The following ARL2 variants were observed in gnomAD, a reference collection of about 807,000 sequenced individuals.
The protein encoded by ARL2 is ARF like GTPase 2, also known as ADP-ribosylation factor-like protein 2.
In ARL2, 11 loss-of-function variants were observed where a neutral mutation model predicts 22.0. That is an observed-to-expected ratio of 0.50 (90% CI 0.31 to 0.83). The LOEUF (loss-of-function observed/expected upper bound fraction) is 0.83, where lower values mean the gene tolerates loss of function less well. Among genes scored for constraint, ARL2 ranks in the 40% least tolerant of loss-of-function variants. The pLI, the probability that ARL2 is intolerant of heterozygous loss-of-function variation, is 0.04. For missense variants in ARL2, 216 were observed against 243.2 expected, an observed-to-expected ratio of 0.89 and a Z score of 0.74; for synonymous variants, 111 against 100.8, an observed-to-expected ratio of 1.10 and a Z score of -0.61.
At chr11:65,016,411 G>C (rs1024398557) in intron 1 of ARL2, among the ~76,000 whole-genome samples, 3 of 151,962 alleles carry the variant, frequency 2.0e-5, no homozygotes, top group African/African-American at 7.3e-5. Flanking sequence ...CCCTCACCTA[G>C]GGCCTTTTGG....
rs1226346018 is a variant in ARL2 at position 65,018,941 on chromosome 11, A to G, written c.339+208A>G. On this transcript the variant is annotated intron_variant, in intron 3 of 4. Transcript: ENST00000246747. The surrounding 1 kb of genome is among the most constrained non-coding windows in gnomAD (Gnocchi z 4.2). ...AACGTCCCTGTGGTGTTACTACGTC[A>G]CTACCCTGAGCATCAGTTTCTATGC... 1.3e-6 allele frequency: 2 copies of G among 1,522,074 alleles called. No homozygotes were observed. Among genetic ancestry groups the G allele is most frequent in the Non-Finnish European group, 1.8e-6 (2 of 1,138,606 alleles). 94.3% of individuals were successfully genotyped at this position (1,522,074 alleles called of 1,614,324 possible).
At position 65,018,756 on chromosome 11, in the gene ARL2, G is replaced by A; in HGVS notation, c.339+23G>A. ...GAGGTGGGCAGCTCCTACCCTTTGT[G>A]TACATGTATGGACGTGTGGCTGCCT... On this transcript the variant is annotated intron_variant, in intron 3 of 4. Transcript: ENST00000246747. The surrounding 1 kb of genome is among the most constrained non-coding windows in gnomAD (Gnocchi z 4.2). The A allele has an allele frequency of 6.2e-7, 1 of 1,613,144 alleles. No individual in the cohort carries two copies. The highest frequency in any genetic ancestry group is 8.5e-7 in the Non-Finnish European group (1 of 1,179,954).
At position 65,014,248 on chromosome 11, in the gene ARL2, A is replaced by G; in HGVS notation, c.41A>G (p.Glu14Gly). ...LTILKKMKQK[E>G]RELRLLMLGL... ...ATTCTGAAGAAGATGAAGCAGAAAG[A>G]GCGGGAGCTGCGACTGCTCATGCTG... The change falls in exon 1 of 5, where the codon GAG (glutamate) becomes GGG (glycine). Residue 14 changes from glutamate (E) to glycine (G), a missense_variant. Coordinates refer to ENST00000246747, the MANE Select transcript of ARL2 (RefSeq NM_001667.4). 6.3e-7 allele frequency: 1 copy of G among 1,575,536 alleles called. No individual in the cohort carries two copies. Among genetic ancestry groups the G allele is most frequent in the Non-Finnish European group, 8.6e-7 (1 of 1,164,640 alleles).
At position 65,018,304 on chromosome 11, in the gene ARL2, T is replaced by G; in HGVS notation, c.66-60T>G. On this transcript the variant is annotated intron_variant, in intron 1 of 4. Transcript: ENST00000246747. This position sits in a 1 kb window ranked among gnomAD's most constrained non-coding sequence, Gnocchi z 4.2. ...AAATAATGAGTCCCCTAAGGGGCTC[T>G]GCAACAATGTCACCACCTGGCAGAG... 1 of 1,443,124 alleles carries G rather than the reference T, an allele frequency of 6.9e-7. No individual in the cohort carries two copies. The highest frequency in any genetic ancestry group is 9.5e-7 in the Non-Finnish European group (1 of 1,051,568). 89.4% of individuals were successfully genotyped at this position (1,443,124 alleles called of 1,614,324 possible). A position where few individuals can be genotyped will look rare whatever the true frequency, so the allele number is the denominator to read the frequency against.
chr11:65,021,662 T>TG, intron 4 of ARL2, 59 bp from the exon 5 acceptor site: 1 of 1,533,372 alleles, frequency 6.5e-7, no homozygotes, highest in Non-Finnish European at 8.8e-7. Context: ...GGGAAGGGGC[T>TG]GACGGCAGGC....
intron 1 of ARL2, among the ~76,000 whole-genome samples, chr11:65,015,561 G>GT (rs1946241019): frequency 7.3e-6 from 1 of 136,468 alleles, no homozygotes; most frequent in African/African-American, 2.7e-5. Context: ...TCTGTAATGC[G>GT]TGTGTGTGTG....
chr11:65,020,692 A>G (rs1239627049), intron 4 of ARL2, 193 bp downstream of exon 4: 2 of 576,736 alleles, frequency 3.5e-6, no homozygotes, highest in African/African-American at 3.8e-5. Flanking sequence ...AACATGATGA[A>G]ACCCCGTCTG....
chr11:65,018,023 G>A lies in ARL2; in HGVS notation c.66-341G>A, dbSNP rs911146449. Among the ~76,000 whole-genome samples, 19 of 152,204 alleles carry A rather than the reference G, an allele frequency of 1.2e-4. No homozygotes were observed. Among genetic ancestry groups the A allele is most frequent in the Admixed American group, 7.9e-4 (12 of 15,284 alleles). On this transcript the variant is annotated intron_variant, in intron 1 of 4. Coordinates refer to ENST00000246747, the MANE Select transcript of ARL2 (RefSeq NM_001667.4). The surrounding 1 kb of genome is among the most constrained non-coding windows in gnomAD (Gnocchi z 4.2). The stretch of plus-strand genomic sequence containing the variant: ...AAAGCCTCTCTGTTGTGTTGATGGC[G>A]CTAGCCGGGATCTGGCAGGGCCTTC...
chr11:65,015,715 G>GT lies in ARL2; in HGVS notation c.65+1446dup, dbSNP rs528782466. 4.0e-3 allele frequency among the ~76,000 whole-genome samples: 610 copies of GT among 152,144 alleles called. 5 individuals carry two copies. Among genetic ancestry groups the GT allele is most frequent in the African/African-American group, 0.014 (595 of 41,482 alleles). ...GTGGGAGGTTCGCTTGAGCCCAGGTGTTTGAGACCAGCCTGGGCAACATAG... is the reference window on the plus strand; with the variant it reads ...GTGGGAGGTTCGCTTGAGCCCAGGTGTTTTGAGACCAGCCTGGGCAACATAG... On this transcript the variant is annotated intron_variant, in intron 1 of 4. Coordinates refer to ENST00000246747, the MANE Select transcript of ARL2 (RefSeq NM_001667.4).
At position 65,022,044 on chromosome 11, in the gene ARL2, C is replaced by T; in HGVS notation, c.*189C>T. 1.2e-6 allele frequency: 1 copy of T among 820,578 alleles called. No homozygotes were observed. The highest frequency in any genetic ancestry group is 1.9e-6 in the Non-Finnish European group (1 of 536,730). 50.8% of individuals were successfully genotyped at this position (820,578 alleles called of 1,614,324 possible). A position where few individuals can be genotyped will look rare whatever the true frequency, so the allele number is the denominator to read the frequency against. ...CCATGGCGGGAGGGCTGTGCCCTGGCTGTCTCTCTGGCTCCTGACCTGGCC... is the reference window on the plus strand; with the variant it reads ...CCATGGCGGGAGGGCTGTGCCCTGGTTGTCTCTCTGGCTCCTGACCTGGCC... On this transcript the variant is annotated 3_prime_UTR_variant, in exon 5 of 5. Transcript: ENST00000246747.
intron 4 of ARL2, among the ~76,000 whole-genome samples, chr11:65,021,039 G>A (rs189391250): frequency 1.3e-4 from 20 of 152,338 alleles, no homozygotes; most frequent in African/African-American, 4.1e-4. Flanking sequence ...TTGTTCACAG[G>A]CTAACGGTAG....
In ARL2 at chr11:65,015,932, G is replaced by A. The variant is rs1018553921; in HGVS notation, c.65+1660G>A. Among the ~76,000 whole-genome samples, 12 of 152,248 alleles carry A rather than the reference G, an allele frequency of 7.9e-5. 1 individual carries two copies. The South Asian group carries it at 2.1e-3, about 26-fold the overall frequency. ...GAAGGCCACTGTATGATGGCAGGGC[G>A]CAGTGGCTCATGCCTGTAATCCCAG... On this transcript the variant is annotated intron_variant, in intron 1 of 4. Transcript: ENST00000246747.
At position 65,018,793 on chromosome 11, in the gene ARL2, GCCCAGAGGGGCCCGTGGC is replaced by G; in HGVS notation, c.339+70_339+87del. ...ACGTGTGGCTGCCTTCTCAGCAGAT[GCCCAGAGGGGCCCGTGGC>G]CCCAGAGGGAAACCAGAGGCAGGAT... On this transcript the variant is annotated intron_variant, in intron 3 of 4. Transcript: ENST00000246747. The surrounding 1 kb of genome is among the most constrained non-coding windows in gnomAD (Gnocchi z 4.2). 1 of 1,599,096 alleles carries G rather than the reference GCCCAGAGGGGCCCGTGGC, an allele frequency of 6.3e-7. No individual in the cohort carries two copies. The highest frequency in any genetic ancestry group is 8.5e-7 in the Non-Finnish European group (1 of 1,176,312).
intron 4 of ARL2, 170 bp downstream of exon 4, chr11:65,020,669 G>C (rs1257869478): frequency 1.7e-6 from 1 of 605,972 alleles, no homozygotes; most frequent in Non-Finnish European, 2.8e-6. Flanking sequence ...AGGAGTTCGA[G>C]ACCAGCCTGA....
chr11:65,020,041 C>T (rs907885181), intron 3 of ARL2, among the ~76,000 whole-genome samples: 6 of 152,178 alleles, frequency 3.9e-5, no homozygotes, highest in South Asian at 2.1e-4. Flanking sequence ...GCTGTGTGAA[C>T]CCAGAAGAGG....
In ARL2 at chr11:65,022,106, G is replaced by A. The variant is rs536231079; in HGVS notation, c.*251G>A. On this transcript the variant is annotated 3_prime_UTR_variant, in exon 5 of 5. Transcript: ENST00000246747. The stretch of plus-strand genomic sequence containing the variant: ...TACCAAGAAGAGAGGGCTGGGCGGG[G>A]AGGAGCTGCTACTGCTGCTACCGAG... The A allele has an allele frequency of 1.9e-6, 1 of 529,352 alleles. No homozygotes were observed. Among genetic ancestry groups the A allele is most frequent in the African/African-American group, 1.9e-5 (1 of 52,758 alleles). 32.8% of individuals were successfully genotyped at this position (529,352 alleles called of 1,614,324 possible). A position where few individuals can be genotyped will look rare whatever the true frequency, so the allele number is the denominator to read the frequency against.
chr11:65,018,938 G>A lies in ARL2; in HGVS notation c.339+205G>A, dbSNP rs151263218. The A allele has an allele frequency of 6.9e-5, 105 of 1,523,936 alleles. No individual in the cohort carries two copies. In the African/African-American group the frequency reaches 7.1e-4, roughly 10 times the overall value. 94.4% of individuals were successfully genotyped at this position (1,523,936 alleles called of 1,614,324 possible). A position where few individuals can be genotyped will look rare whatever the true frequency, so the allele number is the denominator to read the frequency against. ...GTTAACGTCCCTGTGGTGTTACTAC[G>A]TCACTACCCTGAGCATCAGTTTCTA... is the stretch of plus-strand genomic sequence containing the variant. On this transcript the variant is annotated intron_variant, in intron 3 of 4. Transcript: ENST00000246747. The surrounding 1 kb of genome is among the most constrained non-coding windows in gnomAD (Gnocchi z 4.2).
At chr11:65,021,164 T>G (rs946727224) in intron 4 of ARL2, among the ~76,000 whole-genome samples, 5 of 152,318 alleles carry the variant, frequency 3.3e-5, no homozygotes, top group Admixed American at 2.6e-4. Context: ...TGAAGCAGGC[T>G]CACAGAGGTT....
In ARL2 at chr11:65,021,740, T is replaced by C. The variant is rs768319309; in HGVS notation, c.440T>C (p.Ile147Thr). Reference protein sequence around the residue: ...AIREVLELDSIRSHHWCIQGC... With the variant: ...AIREVLELDSTRSHHWCIQGC... ...TCCCAGGTCCTGGAGCTGGACTCCATCCGCAGCCACCACTGGTGCATCCAG... is the reference window on the plus strand; with the variant it reads ...TCCCAGGTCCTGGAGCTGGACTCCACCCGCAGCCACCACTGGTGCATCCAG... The change falls in exon 5 of 5, where the codon ATC becomes ACC. Residue 147 changes from isoleucine (I) to threonine (T), a missense_variant. Ile to Thr is a moderately conservative substitution (Grantham distance 89, BLOSUM62 -1). Transcript: ENST00000246747. 1.9e-5 allele frequency: 30 copies of C among 1,606,698 alleles called. No individual in the cohort carries two copies. Among genetic ancestry groups the C allele is most frequent in the Non-Finnish European group, 2.5e-5 (29 of 1,177,004 alleles).
Sources: allele counts gnomAD v4.1 joint callset (sites outside exome capture counted in the v4.1 genomes callset), GRCh38; gene constraint gnomAD v4.1.1; non-coding constraint Gnocchi (gnomAD v3.1); transcripts MANE v1.5; gene names NCBI Gene and HGNC (gene_info 2026-07-23, HGNC 2026-07-21).